CNTN4: variants seen among roughly 807,000 people sequenced by gnomAD.
CNTN4 encodes contactin 4.
CNTN4 carries 77 observed loss-of-function variants against 122.5 expected under a neutral mutation model. The ratio of observed to expected loss-of-function variants is 0.63; its 90% CI spans 0.52 to 0.76. The LOEUF is 0.76. Among genes scored for constraint, CNTN4 ranks in the 30% least tolerant of loss-of-function variants. The pLI, the probability that CNTN4 is intolerant of heterozygous loss-of-function variation, is 0.00. For synonymous variants in CNTN4, 512 were observed against 447.0 expected, an observed-to-expected ratio of 1.15 and a Z score of -1.83; for missense variants, 1,256 against 1,259.1, an observed-to-expected ratio of 1.00 and a Z score of 0.04.
chr3:2,116,505 T>C (rs539749122), intron 2 of CNTN4, among the ~76,000 whole-genome samples: 2 of 152,162 alleles, frequency 1.3e-5, no homozygotes, highest in Non-Finnish European at 2.9e-5. Flanking sequence ...GAATGAGTTT[T>C]AGGAAACTGT....
In CNTN4 at chr3:2,483,776, C is replaced by A. The variant is rs193243928; in HGVS notation, c.-88-87640C>A. On this transcript the variant is annotated intron_variant, in intron 3 of 24. Transcript: ENST00000418658. ...ATGATTGTAAGTTTCCTGAGGCCTC[C>A]CCAACCATGTGGAACTGTAAGTCAA... Among the ~76,000 whole-genome samples, 272 of 152,188 alleles carry A rather than the reference C, an allele frequency of 1.8e-3. 1 individual carries two copies. Among genetic ancestry groups the A allele is most frequent in the African/African-American group, 6.2e-3 (259 of 41,500 alleles).
chr3:2,800,943 G>T (rs2092333006), intron 6 of CNTN4, among the ~76,000 whole-genome samples: 1 of 152,136 alleles, frequency 6.6e-6, no homozygotes, highest in African/African-American at 2.4e-5. Context: ...CTTACCCAGA[G>T]TCCATTTTTA....
chr3:2,673,008 C>G (rs2084624275), intron 4 of CNTN4, among the ~76,000 whole-genome samples: 1 of 152,156 alleles, frequency 6.6e-6, no homozygotes, highest in Non-Finnish European at 1.5e-5. Flanking sequence ...AATGACAGTA[C>G]TACTTACCGG....
intron 3 of CNTN4, among the ~76,000 whole-genome samples, chr3:2,356,662 C>T (rs2044885884): frequency 1.3e-5 from 2 of 152,118 alleles, no homozygotes; most frequent in African/African-American, 4.8e-5. Flanking sequence ...ACTAAGAATG[C>T]CCAACCTCCT....
At chr3:2,173,204 C>T (rs374121222) in intron 2 of CNTN4, among the ~76,000 whole-genome samples, 9 of 152,162 alleles carry the variant, frequency 5.9e-5, no homozygotes, top group African/African-American at 2.2e-4. Context: ...GAACTCCTAA[C>T]GAGGACACAG....
chr3:2,533,727 G>A (rs1457294319), intron 3 of CNTN4, among the ~76,000 whole-genome samples: 1 of 151,818 alleles, frequency 6.6e-6, no homozygotes, highest in Non-Finnish European at 1.5e-5. Context: ...TTCCACAATG[G>A]TTGAACTAGC....
intron 4 of CNTN4, among the ~76,000 whole-genome samples, chr3:2,700,443 T>C (rs2086291557): frequency 6.6e-6 from 1 of 152,214 alleles, no homozygotes; most frequent in Non-Finnish European, 1.5e-5. Context: ...AATCCAGAGA[T>C]TTTCATCATT....
At position 2,994,825 on chromosome 3, in the gene CNTN4, G is replaced by C. The variant is rs145349337; in HGVS notation, c.1486+6353G>C. Among the ~76,000 whole-genome samples, 144 of 152,202 alleles carry C rather than the reference G, an allele frequency of 9.5e-4. 1 individual carries two copies. Among genetic ancestry groups the C allele is most frequent in the African/African-American group, 3.2e-3 (133 of 41,538 alleles). On this transcript the variant is annotated intron_variant, in intron 14 of 24. Transcript: ENST00000418658. ...GCAGCCCAATCTTCTATGTAAAACT[G>C]TTCAAGGCTTTATACAGATTTGACA... is the stretch of plus-strand genomic sequence containing the variant.
chr3:2,509,483 G>A (rs1056608769), intron 3 of CNTN4, among the ~76,000 whole-genome samples: 2 of 152,120 alleles, frequency 1.3e-5, no homozygotes, highest in African/African-American at 4.8e-5. Flanking sequence ...TAATTGCCTT[G>A]TTTCTTTGTA....
chr3:2,187,527 T>C (rs2037329757), intron 2 of CNTN4, among the ~76,000 whole-genome samples: 1 of 152,196 alleles, frequency 6.6e-6, no homozygotes, highest in Admixed American at 6.5e-5. Context: ...ATTCCCATTC[T>C]TATTCCTAGG....
chr3:2,367,650 A>AT (rs2045447264), intron 3 of CNTN4, among the ~76,000 whole-genome samples: 1 of 152,052 alleles, frequency 6.6e-6, no homozygotes, highest in Non-Finnish European at 1.5e-5. Context: ...CACCCGGCTA[A>AT]TTTTTGTAAT....
At chr3:2,649,178 G>C (rs143445757) in intron 4 of CNTN4, among the ~76,000 whole-genome samples, 51 of 152,270 alleles carry the variant, frequency 3.3e-4, no homozygotes, top group African/African-American at 1.2e-3. Context: ...AGAAACTGCA[G>C]CAAGTTTTCC....
At chr3:2,315,109 A>C (rs2043049186) in intron 2 of CNTN4, among the ~76,000 whole-genome samples, 1 of 152,116 alleles carries the variant, frequency 6.6e-6, no homozygotes, top group Admixed American at 6.6e-5. Context: ...CTTTATTGGA[A>C]ATGTATAGGA....
intron 14 of CNTN4, among the ~76,000 whole-genome samples, chr3:3,017,691 C>T (rs980543059): frequency 5.3e-5 from 8 of 152,152 alleles, no homozygotes; most frequent in African/African-American, 1.9e-4. Flanking sequence ...GTGCAAACTG[C>T]ACATTTTTCA....
At chr3:2,474,433 A>C (rs2151527421) in intron 3 of CNTN4, among the ~76,000 whole-genome samples, 1 of 152,322 alleles carries the variant, frequency 6.6e-6, no homozygotes, top group African/African-American at 2.4e-5. Context: ...AATTTATATG[A>C]ACTTAAGCCT....
chr3:2,600,389 C>G (rs1055139904), intron 4 of CNTN4, among the ~76,000 whole-genome samples: 1 of 152,008 alleles, frequency 6.6e-6, no homozygotes, highest in African/African-American at 2.4e-5. Flanking sequence ...TGTGATGTCC[C>G]CCTTCCTGTG....
chr3:2,614,290 G>C (rs1049180589), intron 4 of CNTN4, among the ~76,000 whole-genome samples: 7 of 152,206 alleles, frequency 4.6e-5, no homozygotes, highest in Non-Finnish European at 8.8e-5. Context: ...AAGTGGGAAA[G>C]AGGAAGATGA....
intron 2 of CNTN4, among the ~76,000 whole-genome samples, chr3:2,301,313 C>A (rs891555001): frequency 6.6e-6 from 1 of 152,152 alleles, no homozygotes; most frequent in African/African-American, 2.4e-5. Flanking sequence ...CATGAATAAT[C>A]TATCTTAACC....
chr3:2,392,676 A>G (rs2046484055), intron 3 of CNTN4, among the ~76,000 whole-genome samples: 1 of 152,200 alleles, frequency 6.6e-6, no homozygotes, highest in South Asian at 2.1e-4. Flanking sequence ...ATCTTGAAAT[A>G]TACAATGCAT....
Sources: allele counts gnomAD v4.1 joint callset (sites outside exome capture counted in the v4.1 genomes callset), GRCh38; gene constraint gnomAD v4.1.1; transcripts MANE v1.5; gene names NCBI Gene and HGNC (gene_info 2026-07-23, HGNC 2026-07-21).